Variants in FKBP5 observed in about 807,000 individuals in gnomAD.
FKBP5 encodes FKBP prolyl isomerase 5, also known as peptidyl-prolyl cis-trans isomerase FKBP5.
FKBP5 carries 23 observed loss-of-function variants against 50.5 expected under a neutral mutation model. The ratio of observed to expected loss-of-function variants is 0.46; its 90% CI spans 0.33 to 0.65. FKBP5 has a LOEUF of 0.65. Among genes scored for constraint, FKBP5 ranks in the 30% least tolerant of loss-of-function variants. The probability of loss-of-function intolerance (pLI) is 0.02; values close to 1 mark genes in which losing one functional copy is unlikely to be tolerated. For missense variants in FKBP5, 411 were observed against 553.1 expected (o/e 0.74, Z 2.58); for synonymous variants, 176 against 190.6 (o/e 0.92, Z 0.63).
At chr6:35,576,037 G>C (rs536386320) in intron 10 of FKBP5, 95 bp from the exon 11 acceptor site, 1 of 853,124 alleles carries the variant, frequency 1.2e-6, no homozygotes, top group South Asian at 1.4e-5. Flanking sequence ...CAAACACGAG[G>C]TATTGCAATG....
chr6:35,632,241 T>C (rs965106337), intron 3 of FKBP5, among the ~76,000 whole-genome samples: 2 of 152,206 alleles, frequency 1.3e-5, no homozygotes, highest in African/African-American at 4.8e-5. Context: ...ACAGTAGTAA[T>C]AATCAGTTCC....
At chr6:35,647,650 T>C (rs1374918623) in intron 1 of FKBP5, among the ~76,000 whole-genome samples, 1 of 152,236 alleles carries the variant, frequency 6.6e-6, no homozygotes, top group Non-Finnish European at 1.5e-5. Flanking sequence ...GGGAATGCAC[T>C]GGAGAGCAGC....
chr6:35,604,878 C>A (rs1303581579), intron 5 of FKBP5, among the ~76,000 whole-genome samples: 1 of 151,046 alleles, frequency 6.6e-6, no homozygotes, highest in Non-Finnish European at 1.5e-5. Context: ...ACAACCTCCA[C>A]CTCCCGGGTT....
At chr6:35,728,239 C>T (rs1453933945) in intron 1 of FKBP5, among the ~76,000 whole-genome samples, 1 of 152,200 alleles carries the variant, frequency 6.6e-6, no homozygotes, top group African/African-American at 2.4e-5. Context: ...CGGTCAGCGA[C>T]GACCCGGCAC....
chr6:35,666,619 G>T (rs960956857), intron 1 of FKBP5, among the ~76,000 whole-genome samples: 1 of 151,908 alleles, frequency 6.6e-6, no homozygotes, highest in Non-Finnish European at 1.5e-5. Flanking sequence ...GGCTGGGCAC[G>T]GTGGCTCACG....
rs749953824 is a variant in FKBP5, at chr6:35,575,841, G to A, written c.1368C>T (p.His456=). 6.8e-6 allele frequency: 11 copies of A among 1,610,112 alleles called. No homozygotes were observed. Among genetic ancestry groups the A allele is most frequent in the Admixed American group, 3.3e-5 (2 of 60,020 alleles). Residue 456 remains histidine, a synonymous_variant, in exon 11 of 11, where the codon CAC becomes CAT. Transcript: ENST00000357266. The part of the protein sequence containing the change: ...QAMEEEKPEG[H]V ...TTCCCTCCTTGGCGTGGCGTCATAC[G>A]TGGCCCTCAGGTTTCTCTTCTTCCA...
At chr6:35,722,354 A>G (rs1766627017) in intron 1 of FKBP5, among the ~76,000 whole-genome samples, 1 of 152,186 alleles carries the variant, frequency 6.6e-6, no homozygotes, top group Non-Finnish European at 1.5e-5. Flanking sequence ...ATAGCATTAT[A>G]TTTAAGTGAC....
chr6:35,674,767 GGA>G lies in FKBP5; in HGVS notation c.-20+14035_-20+14036del, dbSNP rs149892667. Among the ~76,000 whole-genome samples the G allele has an allele frequency of 1.1e-4, 17 of 152,330 alleles. 1 individual carries two copies. In the East Asian group the frequency reaches 2.7e-3, roughly 24 times the overall value. On this transcript the variant is annotated intron_variant, in intron 1 of 10. Transcript: ENST00000357266. ...TCAAACACAAGCAGTCTGGCTCCAA[GGA>G]GACTGTCAACTTGCTAATTAGTCCT... is the stretch of plus-strand genomic sequence containing the variant.
At chr6:35,725,494 G>A (rs1334036751) in intron 1 of FKBP5, among the ~76,000 whole-genome samples, 1 of 152,178 alleles carries the variant, frequency 6.6e-6, no homozygotes, top group Non-Finnish European at 1.5e-5. Flanking sequence ...TCAAGGCTGG[G>A]TGATGGGAGA....
intron 9 of FKBP5, among the ~76,000 whole-genome samples, chr6:35,578,027 C>T (rs1442333639): frequency 7.5e-6 from 1 of 133,688 alleles, no homozygotes. Flanking sequence ...GCACTCCAGG[C>T]TGGGTGACAG....
chr6:35,650,695 G>A (rs144531793), intron 1 of FKBP5, among the ~76,000 whole-genome samples: 50 of 151,972 alleles, frequency 3.3e-4, no homozygotes, highest in African/African-American at 1.1e-3. Flanking sequence ...TGCTGGTCTC[G>A]AACTCCTTCA....
intron 1 of FKBP5, among the ~76,000 whole-genome samples, chr6:35,685,476 T>A (rs1427515844): frequency 6.6e-6 from 1 of 151,512 alleles, no homozygotes; most frequent in Non-Finnish European, 1.5e-5. Context: ...ATAAAATACT[T>A]AAAAAACAAA....
intron 1 of FKBP5, among the ~76,000 whole-genome samples, chr6:35,670,654 C>T (rs1765359968): frequency 6.6e-6 from 1 of 151,556 alleles, no homozygotes; most frequent in Admixed American, 6.6e-5. Flanking sequence ...ATCGCTTGAA[C>T]CTGGGAGGCG....
At chr6:35,666,583 AT>A (rs996172717) in intron 1 of FKBP5, among the ~76,000 whole-genome samples, 2 of 152,018 alleles carry the variant, frequency 1.3e-5, no homozygotes, top group African/African-American at 4.8e-5. Context: ...TAATTATTCT[AT>A]TTGTGTAAAG....
chr6:35,588,452 A>G (rs1429134443), intron 7 of FKBP5, among the ~76,000 whole-genome samples: 1 of 152,212 alleles, frequency 6.6e-6, no homozygotes, highest in Non-Finnish European at 1.5e-5. Context: ...TTTAGCACCC[A>G]AAAAACAAAA....
Position 35,717,106 on chromosome 6 carries a change from C to G in FKBP5, c.-20+3222G>C, listed in dbSNP as rs182325435. On this transcript the variant is annotated intron_variant, in intron 2 of 11. Transcript: ENST00000536438. ...TCCTGCCAGGCACCCAAACAAGGTG[C>G]TGTCCCAGAGTAAACCCACAGCTCT... 5.9e-5 allele frequency among the ~76,000 whole-genome samples: 9 copies of G among 152,340 alleles called. No individual in the cohort carries two copies. The South Asian group carries it at 1.4e-3, about 25-fold the overall frequency.
At chr6:35,645,885 C>T (rs984862682) in intron 1 of FKBP5, among the ~76,000 whole-genome samples, 1 of 152,124 alleles carries the variant, frequency 6.6e-6, no homozygotes, top group Non-Finnish European at 1.5e-5. Context: ...GAGGCTGAGG[C>T]GGGTGGGATC....
chr6:35,677,752 G>T (rs571164215), intron 1 of FKBP5, among the ~76,000 whole-genome samples: 2 of 151,728 alleles, frequency 1.3e-5, no homozygotes, highest in South Asian at 4.2e-4. Context: ...AAAATGATGT[G>T]TCTGCCTAAA....
At chr6:35,655,002 A>G (rs995268266) in intron 1 of FKBP5, among the ~76,000 whole-genome samples, 5 of 152,024 alleles carry the variant, frequency 3.3e-5, no homozygotes, top group African/African-American at 4.8e-5. Context: ...CCTGAGTAAC[A>G]TAGTGAAACC....
Sources: allele counts gnomAD v4.1 joint callset (sites outside exome capture counted in the v4.1 genomes callset), GRCh38; gene constraint gnomAD v4.1.1; transcripts MANE v1.5; gene names NCBI Gene and HGNC (gene_info 2026-07-23, HGNC 2026-07-21).